ALCAM: variants seen among roughly 807,000 people sequenced by gnomAD.
ALCAM encodes CD166 antigen.
In ALCAM, 30 loss-of-function variants were observed where a neutral mutation model predicts 70.9. That is an observed-to-expected ratio of 0.42 (90% CI 0.32 to 0.57). The LOEUF (loss-of-function observed/expected upper bound fraction) is 0.57, where lower values mean the gene tolerates loss of function less well. Ranked by LOEUF, ALCAM falls within the 20% of genes least tolerant of loss-of-function variation. The pLI, the probability that ALCAM is intolerant of heterozygous loss-of-function variation, is 0.11. For synonymous variants in ALCAM, 249 were observed against 242.5 expected (o/e 1.03, Z -0.25); for missense variants, 591 against 695.1 (o/e 0.85, Z 1.68).
chr3:105,547,652 T>C (rs1025118853), intron 11 of ALCAM, 129 bp downstream of exon 11: 10 of 1,161,660 alleles, frequency 8.6e-6, no homozygotes, highest in African/African-American at 4.8e-5. Context: ...TGTTACCACA[T>C]AGAATTTGCA....
chr3:105,407,918 C>T (rs1290608488), intron 1 of ALCAM, among the ~76,000 whole-genome samples: 1 of 152,002 alleles, frequency 6.6e-6, no homozygotes, highest in Non-Finnish European at 1.5e-5. Flanking sequence ...CTAACAGTGA[C>T]TAGGCTGAGA....
chr3:105,514,168 C>A (rs1341489760), intron 1 of ALCAM, among the ~76,000 whole-genome samples: 1 of 152,054 alleles, frequency 6.6e-6, no homozygotes, highest in East Asian at 1.9e-4. Flanking sequence ...CATCTTGTTT[C>A]TTAAGGAAAA....
At chr3:105,459,866 C>T (rs563348046) in intron 1 of ALCAM, among the ~76,000 whole-genome samples, 3 of 152,038 alleles carry the variant, frequency 2.0e-5, no homozygotes, top group Non-Finnish European at 4.4e-5. Context: ...TTCTTACCCA[C>T]TCTAATAGAC....
intron 14 of ALCAM, among the ~76,000 whole-genome samples, chr3:105,571,135 G>A (rs1456355783): frequency 6.6e-6 from 1 of 152,214 alleles, no homozygotes; most frequent in Non-Finnish European, 1.5e-5. Context: ...AACTGTGGCA[G>A]GCAGTGGAAT....
intron 1 of ALCAM, among the ~76,000 whole-genome samples, chr3:105,503,107 G>C (rs1441383780): frequency 6.6e-6 from 1 of 152,188 alleles, no homozygotes; most frequent in Non-Finnish European, 1.5e-5. Flanking sequence ...GTAGTTTATA[G>C]TGTGTGGCAA....
chr3:105,496,585 T>C (rs1299610125), intron 1 of ALCAM, among the ~76,000 whole-genome samples: 2 of 152,176 alleles, frequency 1.3e-5, no homozygotes, highest in Non-Finnish European at 2.9e-5. Flanking sequence ...GCTGGACTTG[T>C]CGTACCAGTC....
intron 14 of ALCAM, among the ~76,000 whole-genome samples, chr3:105,565,451 G>C (rs960100277): frequency 6.6e-6 from 1 of 152,036 alleles, no homozygotes; most frequent in African/African-American, 2.4e-5. Context: ...TTTCTGATCT[G>C]TGTTTCTCAG....
chr3:105,455,853 G>A (rs1158526398), intron 1 of ALCAM, among the ~76,000 whole-genome samples: 1 of 152,174 alleles, frequency 6.6e-6, no homozygotes, highest in Non-Finnish European at 1.5e-5. Flanking sequence ...ACTTTGGAAG[G>A]CCAAGGCAGG....
intron 1 of ALCAM, among the ~76,000 whole-genome samples, chr3:105,482,775 GTTAA>G (rs1038839854): frequency 6.6e-6 from 1 of 152,118 alleles, no homozygotes; most frequent in African/African-American, 2.4e-5. Context: ...TAATTTGCTA[GTTAA>G]TTGTTTCAGG....
At chr3:105,483,242 T>C (rs1343414786) in intron 1 of ALCAM, among the ~76,000 whole-genome samples, 2 of 152,194 alleles carry the variant, frequency 1.3e-5, no homozygotes, top group Admixed American at 1.3e-4. Context: ...CATCGTTTAC[T>C]CATTTCTGTC....
intron 1 of ALCAM, among the ~76,000 whole-genome samples, chr3:105,448,580 C>T (rs933749525): frequency 2.6e-5 from 4 of 152,128 alleles, no homozygotes; most frequent in African/African-American, 4.8e-5. Flanking sequence ...ATTAACAGGA[C>T]TTCTCTCCTG....
intron 1 of ALCAM, among the ~76,000 whole-genome samples, chr3:105,511,300 T>C (rs1048744534): frequency 1.3e-5 from 2 of 152,018 alleles, no homozygotes; most frequent in African/African-American, 4.8e-5. Flanking sequence ...AGAAAGATGA[T>C]TTTATCTTCA....
intron 1 of ALCAM, among the ~76,000 whole-genome samples, chr3:105,406,072 G>A (rs981973929): frequency 8.5e-5 from 13 of 152,186 alleles, no homozygotes; most frequent in African/African-American, 3.1e-4. Context: ...ATGTGTAAGT[G>A]TGCATTCGCC....
Position 105,533,626 on chromosome 3 carries a change from C to T in ALCAM, c.483C>T (p.Asp161=). 2.5e-6 allele frequency: 4 copies of T among 1,611,796 alleles called. No homozygotes were observed. The highest frequency in any genetic ancestry group is 1.7e-6 in the Non-Finnish European group (2 of 1,178,426). The change falls in exon 5 of 16, where the codon GAC becomes GAT. Residue 161 remains aspartate, a synonymous_variant. Coordinates refer to ENST00000306107, the MANE Select transcript of ALCAM (RefSeq NM_001627.4). The stretch of plus-strand genomic sequence containing the variant: ...AGTTGGGTGACTGCATTTCAGAAGA[C>T]AGTTATCCAGATGGCAATATCACAT... ...LKKLGDCISE[D]SYPDGNITWY...
intron 1 of ALCAM, among the ~76,000 whole-genome samples, chr3:105,485,925 A>G (rs73189034): frequency 0.13 from 19,972 of 151,994 alleles, 1,389 homozygotes; most frequent in Middle Eastern, 0.17. Flanking sequence ...TACCAAAAAG[A>G]ATAGTTCTTA....
chr3:105,552,674 T>C (rs985688595), intron 14 of ALCAM, 89 bp downstream of exon 14: 1 of 1,592,036 alleles, frequency 6.3e-7, no homozygotes, highest in Non-Finnish European at 8.6e-7. Context: ...CAGTCGTGCA[T>C]ATAATTTATA....
intron 3 of ALCAM, among the ~76,000 whole-genome samples, chr3:105,531,536 A>C (rs1939839894): frequency 1.3e-5 from 2 of 149,884 alleles, no homozygotes; most frequent in Non-Finnish European, 3.0e-5. Flanking sequence ...TTTTTTTTTC[A>C]GGAATTCTGA....
intron 1 of ALCAM, among the ~76,000 whole-genome samples, chr3:105,509,420 T>C (rs1160761793): frequency 1.3e-5 from 2 of 152,120 alleles, no homozygotes; most frequent in East Asian, 1.9e-4. Context: ...AGGCATGAGA[T>C]GATATGTCAT....
chr3:105,383,151 T>C (rs1472125990), intron 1 of ALCAM, among the ~76,000 whole-genome samples: 1 of 151,772 alleles, frequency 6.6e-6, no homozygotes, highest in Non-Finnish European at 1.5e-5. Flanking sequence ...ACACAGTTTA[T>C]ATGCCATCAC....
Sources: allele counts gnomAD v4.1 joint callset (sites outside exome capture counted in the v4.1 genomes callset), GRCh38; gene constraint gnomAD v4.1.1; transcripts MANE v1.5; gene names NCBI Gene and HGNC (gene_info 2026-07-23, HGNC 2026-07-21).